The following TENM3 variants were observed in gnomAD, a reference collection of about 807,000 sequenced individuals.
The protein encoded by TENM3 is teneurin-3.
A neutral mutation model predicts 255.1 loss-of-function variants in TENM3; 63 were observed. That is an observed-to-expected ratio of 0.25 (90% CI 0.20 to 0.30). The LOEUF (loss-of-function observed/expected upper bound fraction) is 0.30. TENM3 is among the 10% of genes least tolerant of loss of function. The pLI is 1.00. For synonymous variants in TENM3, 1,306 were observed against 1,322.3 expected (o/e 0.99, Z 0.27); for missense variants, 2,929 against 3,461.1 (o/e 0.85, Z 3.86).
At chr4:181,646,881 A>T in the TENM3 span, among the ~76,000 whole-genome samples, 1 of 152,204 alleles carries the variant, frequency 6.6e-6, no homozygotes, top group African/African-American at 2.4e-5. Flanking sequence ...AAGACTTAGG[A>T]TACATTTTCA....
the TENM3 span, among the ~76,000 whole-genome samples, chr4:181,979,154 A>G: frequency 2.0e-4 from 14 of 71,428 alleles, no homozygotes; most frequent in Admixed American, 6.0e-4. Flanking sequence ...ATATATATAT[A>G]TGACATCTTT....
intron 1 of TENM3, among the ~76,000 whole-genome samples, chr4:182,246,105 G>T (rs1433890668): frequency 6.6e-6 from 1 of 152,040 alleles, no homozygotes. Context: ...GCAGAGGGTG[G>T]CACCTTCTGG....
At chr4:181,763,719 TGAC>T in the TENM3 span, among the ~76,000 whole-genome samples, 1 of 152,204 alleles carries the variant, frequency 6.6e-6, no homozygotes, top group Non-Finnish European at 1.5e-5. Flanking sequence ...AGAAGAAGCT[TGAC>T]AACCTCTGTC....
chr4:181,945,219 G>A, the TENM3 span, among the ~76,000 whole-genome samples: 1 of 151,966 alleles, frequency 6.6e-6, no homozygotes, highest in Non-Finnish European at 1.5e-5. Context: ...TAAAATTAGG[G>A]GTTAAGAATG....
At chr4:182,654,938 T>C (rs1753630076) in intron 6 of TENM3, among the ~76,000 whole-genome samples, 1 of 152,190 alleles carries the variant, frequency 6.6e-6, no homozygotes, top group African/African-American at 2.4e-5. Flanking sequence ...CATTCGATTT[T>C]TATAATAATA....
At chr4:182,117,489 G>T in the TENM3 span, among the ~76,000 whole-genome samples, 1 of 152,142 alleles carries the variant, frequency 6.6e-6, no homozygotes, top group Admixed American at 6.5e-5. Context: ...ACATTGTGAG[G>T]TGTGTGTCTA....
the TENM3 span, among the ~76,000 whole-genome samples, chr4:181,981,015 G>A: frequency 1.3e-5 from 2 of 152,042 alleles, no homozygotes; most frequent in African/African-American, 4.8e-5. Context: ...TCTAGTCATG[G>A]GCAAGAGGCG....
At chr4:182,494,437 G>A (rs1321953398) in intron 3 of TENM3, among the ~76,000 whole-genome samples, 1 of 152,110 alleles carries the variant, frequency 6.6e-6, no homozygotes, top group African/African-American at 2.4e-5. Context: ...GGTTATTGTT[G>A]TTCATCTCTT....
intron 3 of TENM3, among the ~76,000 whole-genome samples, chr4:182,560,878 A>G (rs549892494): frequency 6.6e-6 from 1 of 152,198 alleles, no homozygotes; most frequent in African/African-American, 2.4e-5. Context: ...AGAGAAGACA[A>G]ATGTTTTAGA....
chr4:182,756,179 G>A (rs1292972545), intron 22 of TENM3, among the ~76,000 whole-genome samples: 1 of 152,220 alleles, frequency 6.6e-6, no homozygotes, highest in African/African-American at 2.4e-5. Context: ...TTACGTAGAA[G>A]GGCTTAAGTT....
At chr4:182,203,817 C>T (rs1486520498) in intron 1 of TENM3, among the ~76,000 whole-genome samples, 1 of 152,230 alleles carries the variant, frequency 6.6e-6, no homozygotes, top group Admixed American at 6.5e-5. Context: ...CTGAATATCA[C>T]CATTGCCTGG....
chr4:182,555,381 G>T (rs1378845669), intron 3 of TENM3, among the ~76,000 whole-genome samples: 1 of 152,078 alleles, frequency 6.6e-6, no homozygotes, highest in Non-Finnish European at 1.5e-5. Context: ...TTATATGGTA[G>T]ACATTATGTT....
chr4:182,085,029 A>G, the TENM3 span: 1 of 152,192 alleles, frequency 6.6e-6, no homozygotes, highest in African/African-American at 2.4e-5. Flanking sequence ...GCGTCTCCTA[A>G]GACAATTTTC....
At chr4:181,696,222 A>T in the TENM3 span, among the ~76,000 whole-genome samples, 2 of 152,156 alleles carry the variant, frequency 1.3e-5, no homozygotes, top group African/African-American at 4.8e-5. Flanking sequence ...ATGTGCATAT[A>T]ATAGAAATCT....
intron 1 of TENM3, among the ~76,000 whole-genome samples, chr4:182,281,799 G>C (rs932929467): frequency 2.0e-5 from 3 of 152,112 alleles, no homozygotes; most frequent in Non-Finnish European, 4.4e-5. Context: ...ATAGTGGTGT[G>C]ATCTCAGCTC....
the TENM3 span, among the ~76,000 whole-genome samples, chr4:182,021,657 C>G: frequency 5.8e-4 from 89 of 152,286 alleles, 2 homozygotes; most frequent in East Asian, 0.017. Flanking sequence ...AAGAATGAAG[C>G]TAGCCTTGCA....
the TENM3 span, chr4:181,906,386 C>T: frequency 4.8e-6 from 1 of 209,732 alleles, no homozygotes; most frequent in East Asian, 1.1e-4. Flanking sequence ...AGGTTTCCAA[C>T]AAACTGGGGA....
At chr4:181,669,742 G>C in the TENM3 span, among the ~76,000 whole-genome samples, 2 of 152,122 alleles carry the variant, frequency 1.3e-5, no homozygotes, top group African/African-American at 4.8e-5. Flanking sequence ...ACACCTGGCT[G>C]CCTGTTCAGT....
At chr4:181,474,116 A>T in the TENM3 span, among the ~76,000 whole-genome samples, 5 of 152,012 alleles carry the variant, frequency 3.3e-5, no homozygotes, top group Non-Finnish European at 5.9e-5. Context: ...AACAATGAGA[A>T]CACATGGACA....
Sources: allele counts gnomAD v4.1 joint callset (sites outside exome capture counted in the v4.1 genomes callset), GRCh38; gene constraint gnomAD v4.1.1; transcripts MANE v1.5; gene names NCBI Gene and HGNC (gene_info 2026-07-23, HGNC 2026-07-21).